The following MARK4 variants were observed in gnomAD, a reference collection of about 807,000 sequenced individuals.
MARK4 encodes the protein microtubule affinity regulating kinase 4.
MARK4 carries 19 observed loss-of-function variants against 81.5 expected under a neutral mutation model. The ratio of observed to expected loss-of-function variants is 0.23; its 90% CI spans 0.16 to 0.34. The LOEUF is 0.34. Among genes scored for constraint, MARK4 ranks in the 10% least tolerant of loss-of-function variants. MARK4 has a pLI of 1.00. For synonymous variants in MARK4, 436 were observed against 439.0 expected, an observed-to-expected ratio of 0.99 and a Z score of 0.08; for missense variants, 772 against 1,058.8, an observed-to-expected ratio of 0.73 and a Z score of 3.76.
intron 13 of MARK4, among the ~76,000 whole-genome samples, chr19:45,289,067 G>A (rs555269035): frequency 6.6e-5 from 10 of 152,114 alleles, no homozygotes; most frequent in African/African-American, 2.4e-4. Context: ...GTGTGAGTCT[G>A]AGCCAATTGT....
At position 45,277,956 on chromosome 19, in the gene MARK4, C is replaced by A; in HGVS notation, c.820C>A (p.Arg274=). The A allele has an allele frequency of 1.2e-6, 2 of 1,613,406 alleles. No homozygotes were observed. Among genetic ancestry groups the A allele is most frequent in the Non-Finnish European group, 8.5e-7 (1 of 1,179,888 alleles). Residue 274 remains arginine, a synonymous_variant, in exon 9 of 17, where the codon CGG becomes AGG. Transcript: ENST00000262891. ...LRERVLRGKY[R]VPFYMSTDCE... is the part of the protein sequence containing the mutation. The stretch of plus-strand genomic sequence containing the variant: ...GGAGCGAGTACTCAGAGGGAAGTAC[C>A]GGGTCCCTTTCTACATGTCAACAGA...
intron 14 of MARK4, among the ~76,000 whole-genome samples, chr19:45,295,058 TCA>T (rs1298499316): frequency 1.3e-5 from 2 of 151,942 alleles, no homozygotes; most frequent in Admixed American, 6.6e-5. Flanking sequence ...TAGTTAACAG[TCA>T]CAAATCTGTC....
At chr19:45,256,042 C>T (rs955345848) in intron 1 of MARK4, among the ~76,000 whole-genome samples, 14 of 152,212 alleles carry the variant, frequency 9.2e-5, no homozygotes, top group African/African-American at 3.4e-4. Context: ...CAAGTCAGGG[C>T]GCTTCTCAAG....
rs142164871 is a variant in MARK4, at chr19:45,259,638, G to A, written c.252+449G>A. 1.2e-3 allele frequency among the ~76,000 whole-genome samples: 188 copies of A among 152,022 alleles called. 2 individuals carry two copies. Among genetic ancestry groups the A allele is most frequent in the African/African-American group, 3.6e-3 (150 of 41,474 alleles). ...AATTTTTTAAAAATTAGCTGGGTGC[G>A]GTGGTGTGTGCCTGTGGTCCCAGCT... is the stretch of plus-strand genomic sequence containing the variant. On this transcript the variant is annotated intron_variant, in intron 2 of 16. Coordinates refer to ENST00000262891, the MANE Select transcript of MARK4 (RefSeq NM_001199867.2).
chr19:45,251,320 C>G lies in MARK4; in HGVS notation c.-269C>G, dbSNP rs964656981. 2 of 150,996 alleles carry G rather than the reference C, an allele frequency of 1.3e-5. No homozygotes were observed. Among genetic ancestry groups the G allele is most frequent in the Non-Finnish European group, 2.9e-5 (2 of 69,188 alleles). The allele number at this position is 150,996 out of a possible 1,614,324, so 9.4% of individuals were successfully genotyped here. A position where few individuals can be genotyped will look rare whatever the true frequency, so the allele number is the denominator to read the frequency against. On this transcript the variant is annotated 5_prime_UTR_variant, in exon 1 of 17. Coordinates refer to ENST00000262891, the MANE Select transcript of MARK4 (RefSeq NM_001199867.2). Reference sequence around the variant, plus strand: ...CTCCCTCCGCCGCCGCTTGGGCCGGCTCCGCGCCCCCTCCGCGGCCCCCGC... The same window carrying G: ...CTCCCTCCGCCGCCGCTTGGGCCGGGTCCGCGCCCCCTCCGCGGCCCCCGC...
intron 13 of MARK4, among the ~76,000 whole-genome samples, chr19:45,292,945 C>A (rs937678785): frequency 9.9e-5 from 15 of 151,906 alleles, no homozygotes; most frequent in African/African-American, 3.6e-4. Context: ...AATAAAGCAA[C>A]AAAACCTAAA....
At chr19:45,301,734 G>A (rs906283532) in intron 16 of MARK4, among the ~76,000 whole-genome samples, 6 of 151,024 alleles carry the variant, frequency 4.0e-5, no homozygotes, top group South Asian at 4.2e-4. Flanking sequence ...GCGTGGTGGC[G>A]CGTGCCTGTA....
chr19:45,292,180 G>A (rs1970828573), intron 13 of MARK4, among the ~76,000 whole-genome samples: 1 of 152,186 alleles, frequency 6.6e-6, no homozygotes, highest in African/African-American at 2.4e-5. Flanking sequence ...GCACACACAT[G>A]TAGTCCCAGC....
chr19:45,285,665 A>T (rs553748700), intron 12 of MARK4, among the ~76,000 whole-genome samples: 1,899 of 152,256 alleles, frequency 0.012, 32 homozygotes, highest in African/African-American at 0.043. Context: ...GAACGTGGTA[A>T]CCTTCAGAAC....
intron 8 of MARK4, among the ~76,000 whole-genome samples, chr19:45,275,134 G>A (rs1970582162): frequency 6.6e-6 from 1 of 152,106 alleles, no homozygotes; most frequent in African/African-American, 2.4e-5. Flanking sequence ...GGCGGCACGT[G>A]CCTGTAGTCC....
At chr19:45,285,261 CA>C (rs71173139) in intron 12 of MARK4, among the ~76,000 whole-genome samples, 1,881 of 57,082 alleles carry the variant, frequency 0.033, 19 homozygotes, top group African/African-American at 0.095. Flanking sequence ...TGCCGTGTCT[CA>C]AAAAAAAAAA....
chr19:45,262,899 G>A (rs531523921), intron 2 of MARK4: 17 of 530,102 alleles, frequency 3.2e-5, no homozygotes, highest in South Asian at 2.5e-4. Flanking sequence ...AGAGTAGCTG[G>A]GATTACAGGT....
In MARK4 at chr19:45,302,754, C is replaced by A. The variant is rs1281029159; in HGVS notation, c.*44C>A. 6.5e-7 allele frequency: 1 copy of A among 1,533,544 alleles called. No homozygotes were observed. The highest frequency in any genetic ancestry group is 1.2e-5 in the South Asian group (1 of 83,754). 95.0% of individuals were successfully genotyped at this position (1,533,544 alleles called of 1,614,324 possible). On this transcript the variant is annotated 3_prime_UTR_variant, in exon 17 of 17. Transcript: ENST00000262891. The surrounding 1 kb of genome is among the most constrained non-coding windows in gnomAD (Gnocchi z 4.9). The stretch of plus-strand genomic sequence containing the variant: ...CCCTTACTCTTCCTCTCCCTTGTCG[C>A]CTTCACTTCTACAGGAGGGGAAGGG...
chr19:45,298,256 C>G (rs1204336249), intron 15 of MARK4: 1 of 1,601,292 alleles, frequency 6.2e-7, no homozygotes, highest in Non-Finnish European at 8.6e-7. Context: ...CTCGCTGGCT[C>G]TGCCTCCCTG....
At chr19:45,265,011 G>T in intron 6 of MARK4, 101 bp downstream of exon 6, 1 of 1,203,024 alleles carries the variant, frequency 8.3e-7, no homozygotes, top group South Asian at 1.3e-5. Flanking sequence ...CCTGGGGGCG[G>T]GGCTTAAGTC....
chr19:45,277,801 A>G (rs1970617902), intron 8 of MARK4, 122 bp from the exon 9 acceptor site: 3 of 1,189,814 alleles, frequency 2.5e-6, no homozygotes, highest in African/African-American at 3.2e-5. Context: ...TGTCACTTCT[A>G]TCAAAGGGGT....
chr19:45,280,543 G>A (rs777243882), intron 11 of MARK4, 32 bp from the exon 12 acceptor site: 23 of 1,613,864 alleles, frequency 1.4e-5, no homozygotes, highest in Non-Finnish European at 1.8e-5. Flanking sequence ...GACTTGGGGT[G>A]CAGAAGAGCC....
intron 12 of MARK4, among the ~76,000 whole-genome samples, chr19:45,284,396 C>T (rs1205493244): frequency 6.6e-6 from 1 of 151,178 alleles, no homozygotes; most frequent in African/African-American, 2.4e-5. Flanking sequence ...AATCTTGGCT[C>T]ACTGCAAGCT....
At chr19:45,286,638 A>C (rs577716937) in intron 12 of MARK4, among the ~76,000 whole-genome samples, 1 of 152,062 alleles carries the variant, frequency 6.6e-6, no homozygotes, top group African/African-American at 2.4e-5. Flanking sequence ...GCTTGAGCCT[A>C]GGAGGCCAAG....
Sources: gnomAD v4.1 joint callset for allele counts (sites outside exome capture counted in the v4.1 genomes callset) on GRCh38, gnomAD v4.1.1 for gene constraint, Gnocchi (gnomAD v3.1) non-coding constraint, MANE v1.5 for transcripts, NCBI Gene and HGNC (gene_info 2026-07-23, HGNC 2026-07-21) for gene names.